IPO9: variants seen among roughly 807,000 people sequenced by gnomAD.
The protein encoded by IPO9 is importin-9.
IPO9 carries 28 observed loss-of-function variants against 128.6 expected under a neutral mutation model. The ratio of observed to expected loss-of-function variants is 0.22; its 90% CI spans 0.16 to 0.30. The LOEUF (loss-of-function observed/expected upper bound fraction) is 0.30. IPO9 is among the 10% of genes least tolerant of loss of function. The pLI is 1.00. For synonymous variants in IPO9, 455 were observed against 475.8 expected (o/e 0.96, Z 0.57); for missense variants, 935 against 1,293.9 (o/e 0.72, Z 4.26).
At position 201,855,950 on chromosome 1, in the gene IPO9, G is replaced by C; in HGVS notation, c.1122+16G>C. Reference sequence around the variant, plus strand: ...TGAGGAGCAGGTAAATAATATTTGAGAGACAGTTACCATCTTGTATTTGGA... The same window carrying C: ...TGAGGAGCAGGTAAATAATATTTGACAGACAGTTACCATCTTGTATTTGGA... On this transcript the variant is annotated intron_variant, in intron 10 of 23. Coordinates refer to ENST00000361565, the MANE Select transcript of IPO9 (RefSeq NM_018085.5). 6.4e-7 allele frequency: 1 copy of C among 1,560,392 alleles called. No individual in the cohort carries two copies. Among genetic ancestry groups the C allele is most frequent in the East Asian group, 2.3e-5 (1 of 42,642 alleles).
intron 10 of IPO9, 120 bp downstream of exon 10, chr1:201,856,054 A>C: frequency 2.9e-5 from 23 of 789,058 alleles, no homozygotes; most frequent in Middle Eastern, 3.5e-4. Flanking sequence ...GAATAATTTC[A>C]TGTGAAGTTC....
intron 19 of IPO9, 74 bp from the exon 20 acceptor site, chr1:201,872,754 C>T (rs1230849117): frequency 2.7e-6 from 4 of 1,499,358 alleles, no homozygotes; most frequent in Admixed American, 3.9e-5. Flanking sequence ...GGTCTTAGGA[C>T]ATAATTGCTT....
intron 1 of IPO9, among the ~76,000 whole-genome samples, chr1:201,830,725 C>T (rs1679818079): frequency 6.6e-6 from 1 of 152,218 alleles, no homozygotes; most frequent in South Asian, 2.1e-4. Flanking sequence ...AAAGGAACCT[C>T]ATCACATTCA....
At chr1:201,832,643 T>C (rs1679859022) in intron 1 of IPO9, among the ~76,000 whole-genome samples, 1 of 152,228 alleles carries the variant, frequency 6.6e-6, no homozygotes, top group African/African-American at 2.4e-5. Flanking sequence ...CTTTTGATCA[T>C]TTTTTGGTTC....
rs1680780563 is a variant in IPO9, at chr1:201,877,193, A to G, written c.*1139A>G. On this transcript the variant is annotated 3_prime_UTR_variant, in exon 24 of 24. Coordinates refer to ENST00000361565, the MANE Select transcript of IPO9 (RefSeq NM_018085.5). ...AGTCTGTTTGGGGTTCAAAGAGTAA[A>G]TGAGGATTAGAAAATCATGGAGAGA... 1 of 152,222 alleles carries G rather than the reference A, an allele frequency of 6.6e-6. No individual in the cohort carries two copies. Among genetic ancestry groups the G allele is most frequent in the African/African-American group, 2.4e-5 (1 of 41,460 alleles). The allele number at this position is 152,222 out of a possible 1,614,324, so 9.4% of individuals were successfully genotyped here. A position where few individuals can be genotyped will look rare whatever the true frequency, so the allele number is the denominator to read the frequency against.
rs1158538406 is a variant in IPO9 at position 201,836,086 on chromosome 1, C to CTCCAG, written c.163+6715_163+6719dup. Among the ~76,000 whole-genome samples the CTCCAG allele has an allele frequency of 1.2e-4, 18 of 146,506 alleles. 1 individual carries two copies. Among genetic ancestry groups the CTCCAG allele is most frequent in the African/African-American group, 4.5e-4 (18 of 39,580 alleles). On this transcript the variant is annotated intron_variant, in intron 1 of 23. Transcript: ENST00000361565. ...AAGATCACACCACTGCACTCCAGCC[C>CTCCAG]TCCAGCCTGGGTGACAGAGCAAGAC... is the stretch of plus-strand genomic sequence containing the variant.
intron 1 of IPO9, among the ~76,000 whole-genome samples, chr1:201,833,396 G>A (rs1010948723): frequency 6.6e-6 from 1 of 151,804 alleles, no homozygotes; most frequent in Non-Finnish European, 1.5e-5. Context: ...GTACCAACAC[G>A]CCAGGCTAAT....
At chr1:201,871,059 C>A in intron 18 of IPO9, 102 bp from the exon 19 acceptor site, 1 of 1,293,850 alleles carries the variant, frequency 7.7e-7, no homozygotes, top group Non-Finnish European at 1.1e-6. Flanking sequence ...GGATAATACC[C>A]TCAGTGTAGA....
At chr1:201,839,405 C>T (rs534793752) in intron 1 of IPO9, among the ~76,000 whole-genome samples, 65 of 151,182 alleles carry the variant, frequency 4.3e-4, no homozygotes, top group African/African-American at 1.5e-3. Flanking sequence ...TTCGTAGAGA[C>T]GGGGTTTCAC....
At chr1:201,866,549 C>T (rs139318863) in intron 14 of IPO9, among the ~76,000 whole-genome samples, 184 bp from the exon 15 acceptor site, 46 of 149,944 alleles carry the variant, frequency 3.1e-4, no homozygotes, top group African/African-American at 1.0e-3. Flanking sequence ...AAATAAATTA[C>T]AGAACATAGA....
At chr1:201,875,872 T>C (rs761623316) in intron 23 of IPO9, 72 bp from the exon 24 acceptor site, 12 of 897,496 alleles carry the variant, frequency 1.3e-5, no homozygotes, top group African/African-American at 3.3e-5. Flanking sequence ...GCCATTTGAT[T>C]GTGGTTCTTG....
rs1255613965 is a variant in IPO9 at position 201,880,850 on chromosome 1, C to T, written c.*4796C>T. The T allele has an allele frequency of 2.6e-5, 4 of 152,156 alleles. No homozygotes were observed. The highest frequency in any genetic ancestry group is 9.7e-5 in the African/African-American group (4 of 41,416). 9.4% of individuals were successfully genotyped at this position (152,156 alleles called of 1,614,324 possible). On this transcript the variant is annotated 3_prime_UTR_variant, in exon 24 of 24. Transcript: ENST00000361565. Reference sequence around the variant, plus strand: ...GTATCCATACAATCAGTACAGTATTCAATAAATTACATGAGACATTCAACA... The same window carrying T: ...GTATCCATACAATCAGTACAGTATTTAATAAATTACATGAGACATTCAACA...
rs1471283332 is a variant in IPO9 at position 201,863,507 on chromosome 1, T to C, written c.1528T>C (p.Ser510Pro). 2 of 1,599,558 alleles carry C rather than the reference T, an allele frequency of 1.3e-6. No homozygotes were observed. The highest frequency in any genetic ancestry group is 2.2e-5 in the South Asian group (2 of 90,050). The change falls in exon 14 of 24, where the codon TCC becomes CCC. Residue 510 changes from serine to proline, a missense_variant. Ser to Pro is a moderately conservative substitution (Grantham distance 74). Around this residue, in one of 3 missense-constraint regions of IPO9, gnomAD observed 741 missense variants for 1,019.1 expected, o/e 0.73. Transcript: ENST00000361565. Reference sequence around the variant, plus strand: ...TGCCAGTCGGTTCACTGTTGCTATGTCCCCTGAACTGATCCAGCAGTTCCT... The same window carrying C: ...TGCCAGTCGGTTCACTGTTGCTATGCCCCCTGAACTGATCCAGCAGTTCCT... ...WAASRFTVAM[S>P]PELIQQFLQA...
rs1161071804 is a variant in IPO9 at position 201,882,447 on chromosome 1, CAAAAA to C, written c.*6400_*6404del. The C allele has an allele frequency of 1.7e-4, 8 of 47,700 alleles. No individual in the cohort carries two copies. Among genetic ancestry groups the C allele is most frequent in the African/African-American group, 2.5e-4 (4 of 16,088 alleles). 3.0% of individuals were successfully genotyped at this position (47,700 alleles called of 1,614,324 possible). A position where few individuals can be genotyped will look rare whatever the true frequency, so the allele number is the denominator to read the frequency against. ...ACTCTGCCTCAAAAAAAAAAAAAAA[CAAAAA>C]AAAAAACAAGTTTTGTGAATTTAAG... On this transcript the variant is annotated 3_prime_UTR_variant, in exon 24 of 24. Transcript: ENST00000361565.
At chr1:201,865,309 A>C (rs539233649) in intron 14 of IPO9, among the ~76,000 whole-genome samples, 38 of 151,752 alleles carry the variant, frequency 2.5e-4, no homozygotes, top group African/African-American at 9.0e-4. Context: ...CCTGGGTTCA[A>C]GCAATTCTCC....
At chr1:201,868,285 T>A (rs1025176544) in intron 15 of IPO9, among the ~76,000 whole-genome samples, 2 of 151,230 alleles carry the variant, frequency 1.3e-5, no homozygotes, top group African/African-American at 4.9e-5. Context: ...AGCTTTCATG[T>A]CTTCTTAAAG....
rs375505268 is a variant in IPO9, at chr1:201,853,078, A to T, written c.671A>T (p.Asn224Ile). The change falls in exon 6 of 24, where the codon AAC becomes ATC. Residue 224 changes from asparagine to isoleucine, a missense_variant. Asn to Ile is a moderately radical substitution (Grantham distance 149, BLOSUM62 -3). Coordinates refer to ENST00000361565, the MANE Select transcript of IPO9 (RefSeq NM_018085.5). ...IFTTCAHMIC[N>I]MEELEKGAAK... ...ACCACTTGTGCCCATATGATCTGTAACATGGAGGAGCTGGAAAAGGTAAGC... is the reference window on the plus strand; with the variant it reads ...ACCACTTGTGCCCATATGATCTGTATCATGGAGGAGCTGGAAAAGGTAAGC... 4 of 1,614,040 alleles carry T rather than the reference A, an allele frequency of 2.5e-6. No homozygotes were observed. Among genetic ancestry groups the T allele is most frequent in the African/African-American group, 1.3e-5 (1 of 74,932 alleles).
At chr1:201,843,097 A>C (rs903382212) in intron 1 of IPO9, among the ~76,000 whole-genome samples, 1 of 152,236 alleles carries the variant, frequency 6.6e-6, no homozygotes, top group Non-Finnish European at 1.5e-5. Context: ...GCAGGCAACA[A>C]TACTAGTCTA....
At chr1:201,866,629 G>A (rs112860356) in intron 14 of IPO9, 104 bp from the exon 15 acceptor site, 25 of 823,222 alleles carry the variant, frequency 3.0e-5, no homozygotes, top group African/African-American at 2.9e-4. Flanking sequence ...TTTAGAATTA[G>A]CTTTATAAAG....
Sources: gnomAD v4.1 joint callset for allele counts (sites outside exome capture counted in the v4.1 genomes callset) on GRCh38, gnomAD v4.1.1 for gene constraint, gnomAD v4.1.1 regional missense constraint, MANE v1.5 for transcripts, NCBI Gene and HGNC (gene_info 2026-07-23, HGNC 2026-07-21) for gene names.